The following ACSM1 variants were observed in gnomAD, a reference collection of about 807,000 sequenced individuals.
ACSM1 encodes the protein acyl-coenzyme A synthetase ACSM1, mitochondrial.
Under a neutral mutation model 75.8 loss-of-function variants are expected in ACSM1, and 79 were observed. The ratio of observed to expected loss-of-function variants is 1.04; its 90% confidence interval spans 0.87 to 1.26. The LOEUF is 1.26. Among genes scored for constraint, ACSM1 ranks in the 50% most tolerant of loss-of-function variants. The pLI, the probability that ACSM1 is intolerant of heterozygous loss-of-function variation, is 0.00. For synonymous variants in ACSM1, 279 were observed against 265.8 expected (o/e 1.05, Z -0.48); for missense variants, 676 against 720.1 (o/e 0.94, Z 0.70).
chr16:20,633,421 AT>A (rs1242362954), intron 10 of ACSM1, among the ~76,000 whole-genome samples: 1 of 152,250 alleles, frequency 6.6e-6, no homozygotes, highest in Non-Finnish European at 1.5e-5. Flanking sequence ...TCTATTTACA[AT>A]AGCATCAAAA....
At chr16:20,638,246 G>C (rs908369130) in intron 8 of ACSM1, among the ~76,000 whole-genome samples, 5 of 152,134 alleles carry the variant, frequency 3.3e-5, no homozygotes, top group Non-Finnish European at 5.9e-5. Flanking sequence ...ACCTCCCAGA[G>C]TGCTTGTAAG....
intron 2 of ACSM1, among the ~76,000 whole-genome samples, chr16:20,685,815 G>A (rs187822465): frequency 4.0e-4 from 32 of 79,018 alleles, no homozygotes; most frequent in Middle Eastern, 0.01. Flanking sequence ...GTGAGACTCC[G>A]TCTCAAAAAA....
chr16:20,661,839 C>T lies in ACSM1; in HGVS notation c.947G>A (p.Gly316Glu), dbSNP rs762630239. The T allele has an allele frequency of 3.1e-6, 5 of 1,609,398 alleles. No individual in the cohort carries two copies. Among genetic ancestry groups the T allele is most frequent in the Non-Finnish European group, 3.4e-6 (4 of 1,176,690 alleles). Residue 316 changes from glycine to glutamate, a missense_variant, in exon 7 of 14, where the codon GGG (glycine) becomes GAG (glutamate). Transcript: ENST00000520010. ...AATCATTCGATATATAGATGATACCCCCCAAAAGTGGTTAATGGGGTATTT... is the reference window on the plus strand; with the variant it reads ...AATCATTCGATATATAGATGATACCTCCCAAAAGTGGTTAATGGGGTATTT... ...LLKYPINHFW[G>E]VSSIYRMILQ...
chr16:20,672,472 ATATATAT>A (rs1156480045), intron 4 of ACSM1, among the ~76,000 whole-genome samples: 4 of 57,638 alleles, frequency 6.9e-5, no homozygotes, highest in South Asian at 7.1e-4. Flanking sequence ...AAAAAAAAAA[ATATATAT>A]ATATATATAT....
intron 10 of ACSM1, 57 bp downstream of exon 10, chr16:20,636,682 C>G: frequency 7.8e-7 from 1 of 1,288,178 alleles, no homozygotes; most frequent in Non-Finnish European, 1.1e-6. Context: ...CCTCAGGATG[C>G]AGAGCTCCCT....
intron 2 of ACSM1, among the ~76,000 whole-genome samples, chr16:20,688,420 T>G (rs2079592718): frequency 1.3e-5 from 2 of 152,132 alleles, no homozygotes; most frequent in Middle Eastern, 3.2e-3. Context: ...TCCCCAAATT[T>G]GAGACAATGC....
chr16:20,690,850 A>G, intron 2 of ACSM1, 147 bp downstream of exon 2: 1 of 727,324 alleles, frequency 1.4e-6, no homozygotes, highest in Non-Finnish European at 2.1e-6. Context: ...GGCTGGGAAT[A>G]GAACCTTGAA....
chr16:20,663,533 C>A (rs1220665397), intron 6 of ACSM1, among the ~76,000 whole-genome samples: 1 of 152,138 alleles, frequency 6.6e-6, no homozygotes, highest in Non-Finnish European at 1.5e-5. Context: ...GGTCTGATCA[C>A]CCCAACATTC....
intron 4 of ACSM1, among the ~76,000 whole-genome samples, chr16:20,677,366 C>T (rs1449137612): frequency 6.6e-6 from 1 of 152,178 alleles, no homozygotes; most frequent in African/African-American, 2.4e-5. Flanking sequence ...CATGGCATCA[C>T]CCAGTGACAT....
intron 7 of ACSM1, among the ~76,000 whole-genome samples, chr16:20,642,994 G>A (rs991953988): frequency 2.6e-5 from 4 of 152,186 alleles, no homozygotes; most frequent in African/African-American, 4.8e-5. Flanking sequence ...AAACAAGGGC[G>A]TAATCTGAAA....
chr16:20,680,430 T>G (rs1323965490), intron 4 of ACSM1: 1 of 152,218 alleles, frequency 6.6e-6, no homozygotes, highest in Non-Finnish European at 1.5e-5. Flanking sequence ...AAAACATAGC[T>G]GGCAGCTTAG....
chr16:20,626,372 T>TAA (rs1370553906), intron 11 of ACSM1, among the ~76,000 whole-genome samples: 11 of 151,460 alleles, frequency 7.3e-5, no homozygotes, highest in African/African-American at 2.4e-4. Flanking sequence ...AAATAAAAAA[T>TAA]AAAATAAAAA....
chr16:20,671,443 AC>A, intron 5 of ACSM1, 87 bp downstream of exon 5: 2 of 495,034 alleles, frequency 4.0e-6, no homozygotes, highest in Non-Finnish European at 2.6e-6. Flanking sequence ...TTCCCAAGAC[AC>A]ACACACACAC....
chr16:20,649,312 T>C (rs1283328985), intron 7 of ACSM1, among the ~76,000 whole-genome samples: 1 of 152,230 alleles, frequency 6.6e-6, no homozygotes, highest in Non-Finnish European at 1.5e-5. Context: ...CTTTCCAATC[T>C]GACTCTGGCA....
chr16:20,667,246 T>G (rs1259051746), intron 6 of ACSM1, among the ~76,000 whole-genome samples: 3 of 152,186 alleles, frequency 2.0e-5, no homozygotes, highest in Non-Finnish European at 4.4e-5. Context: ...TTAAGTTATT[T>G]GTAGACTCTT....
Position 20,623,617 on chromosome 16 carries a change from C to A in ACSM1, c.1648-45G>T, listed in dbSNP as rs373877991. On this transcript the variant is annotated intron_variant, in intron 13 of 13. Transcript: ENST00000520010. ...ATCCACAGTGATTGAGTCCTGCTGC[C>A]ATTTCCTAACAATTCTCCACTCTCC... The A allele has an allele frequency of 7.1e-6, 11 of 1,557,184 alleles. No homozygotes were observed. The Admixed American group carries it at 1.5e-4, about 21-fold the overall frequency.
intron 8 of ACSM1, among the ~76,000 whole-genome samples, chr16:20,637,950 C>A (rs1313900714): frequency 6.6e-6 from 1 of 152,178 alleles, no homozygotes; most frequent in Non-Finnish European, 1.5e-5. Context: ...CATCAGTGAT[C>A]CGTAGGAAGA....
chr16:20,637,288 C>G, intron 9 of ACSM1, 83 bp downstream of exon 9: 1 of 1,053,336 alleles, frequency 9.5e-7, no homozygotes, highest in Non-Finnish European at 1.5e-6. Flanking sequence ...CAGGGAAGTG[C>G]GGCTGGTGTT....
At chr16:20,692,226 C>T (rs1322016716) in intron 1 of ACSM1, among the ~76,000 whole-genome samples, 1 of 152,228 alleles carries the variant, frequency 6.6e-6, no homozygotes, top group East Asian at 1.9e-4. Context: ...GCCCGTGACA[C>T]AGCCCTCAGG....
Sources: gnomAD v4.1 joint callset for allele counts (sites outside exome capture counted in the v4.1 genomes callset) on GRCh38, gnomAD v4.1.1 for gene constraint, MANE v1.5 for transcripts, NCBI Gene and HGNC (gene_info 2026-07-23, HGNC 2026-07-21) for gene names.